GPA33: variants seen among roughly 807,000 people sequenced by gnomAD.
GPA33 encodes the protein glycoprotein A33, also known as cell surface A33 antigen.
GPA33 carries 27 observed loss-of-function variants against 35.6 expected under a neutral mutation model. That is an observed-to-expected ratio of 0.76 (90% CI 0.56 to 1.04). The LOEUF (loss-of-function observed/expected upper bound fraction) is 1.04. Among genes scored for constraint, GPA33 ranks in the 50% least tolerant of loss-of-function variants. The pLI is 0.00. For synonymous variants in GPA33, 176 were observed against 164.0 expected (o/e 1.07, Z -0.56); for missense variants, 428 against 411.9 (o/e 1.04, Z -0.34).
At chr1:167,074,080 T>C (rs1666776236) in intron 1 of GPA33, among the ~76,000 whole-genome samples, 1 of 150,578 alleles carries the variant, frequency 6.6e-6, no homozygotes, top group East Asian at 1.9e-4. Context: ...ATGGACCATA[T>C]TTTCACAGGA....
intron 4 of GPA33, among the ~76,000 whole-genome samples, chr1:167,063,373 G>A (rs963926391): frequency 3.9e-5 from 6 of 152,168 alleles, no homozygotes; most frequent in African/African-American, 9.7e-5. Context: ...CGTGCCAACT[G>A]CACTCCAGCC....
chr1:167,061,958 C>T (rs929377866), intron 4 of GPA33, among the ~76,000 whole-genome samples: 3 of 151,984 alleles, frequency 2.0e-5, no homozygotes, highest in Admixed American at 6.6e-5. Context: ...TGCATCCGTC[C>T]GGCTGGGCTT....
intron 1 of GPA33, among the ~76,000 whole-genome samples, chr1:167,082,533 G>T (rs941310871): frequency 1.2e-4 from 19 of 152,158 alleles, no homozygotes; most frequent in Admixed American, 1.0e-3. Flanking sequence ...GGAAGGTGCT[G>T]CCAGCAAGGA....
Position 167,059,254 on chromosome 1 carries a change from A to G in GPA33, c.572-3405T>C, listed in dbSNP as rs865795340. ...CTTTGATTCCGAGTTGGGGCTCCCA[A>G]GCCCCTTTTCCTTCGGAAAGGGACT... On this transcript the variant is annotated intron_variant, in intron 4 of 6. Coordinates refer to ENST00000367868, the MANE Select transcript of GPA33 (RefSeq NM_005814.3). 2.2e-4 allele frequency among the ~76,000 whole-genome samples: 33 copies of G among 152,272 alleles called. No individual in the cohort carries two copies. The Middle Eastern group carries it at 0.014, about 63-fold the overall frequency.
chr1:167,078,099 G>A (rs1341452202), intron 1 of GPA33, among the ~76,000 whole-genome samples: 1 of 152,144 alleles, frequency 6.6e-6, no homozygotes, highest in African/African-American at 2.4e-5. Context: ...GTTTTCCTTG[G>A]CTGTCAACAG....
intron 4 of GPA33, among the ~76,000 whole-genome samples, chr1:167,061,886 A>C (rs1666459342): frequency 6.6e-6 from 1 of 152,054 alleles, no homozygotes; most frequent in Admixed American, 6.5e-5. Context: ...CTTTTTTAAG[A>C]AGTCGATTTG....
intron 1 of GPA33, among the ~76,000 whole-genome samples, chr1:167,074,444 A>G (rs1183914436): frequency 6.6e-6 from 1 of 152,178 alleles, no homozygotes; most frequent in Non-Finnish European, 1.5e-5. Flanking sequence ...ACTCCCAGAC[A>G]TGGGAGTGAG....
intron 3 of GPA33, among the ~76,000 whole-genome samples, chr1:167,067,044 TTTTA>T (rs1666609853): frequency 6.6e-6 from 1 of 152,216 alleles, no homozygotes; most frequent in African/African-American, 2.4e-5. Flanking sequence ...TTATATATGT[TTTTA>T]TTTATGTTTA....
chr1:167,055,922 G>C (rs1226942572), intron 4 of GPA33, 73 bp from the exon 5 acceptor site: 2 of 1,499,348 alleles, frequency 1.3e-6, no homozygotes, highest in Non-Finnish European at 1.8e-6. Flanking sequence ...TGGGAGGTCT[G>C]GACTCCTTGG....
At chr1:167,073,603 G>A (rs755358148) in intron 1 of GPA33, 64 bp from the exon 2 acceptor site, 1 of 1,382,190 alleles carries the variant, frequency 7.2e-7, no homozygotes, top group Non-Finnish European at 1.0e-6. Flanking sequence ...CCCACTCACT[G>A]CCCACAGGAC....
rs1198843850 is a variant in GPA33, at chr1:167,053,064, C to T, written c.*1270G>A. On this transcript the variant is annotated 3_prime_UTR_variant, in exon 7 of 7. Transcript: ENST00000367868. ...GCAGCCCTAACGCTGCCTGAGCTCT[C>T]AAGAGTAGAAGAAATGCTCGACAAA... The T allele has an allele frequency of 6.6e-6, 1 of 152,078 alleles. No homozygotes were observed. The highest frequency in any genetic ancestry group is 1.5e-5 in the Non-Finnish European group (1 of 68,042). The allele number at this position is 152,078 out of a possible 1,614,324, so 9.4% of individuals were successfully genotyped here. A position where few individuals can be genotyped will look rare whatever the true frequency, so the allele number is the denominator to read the frequency against.
chr1:167,059,508 C>T (rs929325566), intron 4 of GPA33, among the ~76,000 whole-genome samples: 1 of 151,904 alleles, frequency 6.6e-6, no homozygotes, highest in African/African-American at 2.4e-5. Flanking sequence ...TGTAGCTTGT[C>T]GACAAGCCCC....
At chr1:167,055,220 G>C in intron 5 of GPA33, 109 bp from the exon 6 acceptor site, 1 of 1,050,734 alleles carries the variant, frequency 9.5e-7, no homozygotes, top group Admixed American at 2.1e-5. Flanking sequence ...TCCATGAAAG[G>C]CATGGTCTTG....
chr1:167,062,426 G>A (rs1042275216), intron 4 of GPA33, among the ~76,000 whole-genome samples: 2 of 151,554 alleles, frequency 1.3e-5, no homozygotes, highest in Admixed American at 1.3e-4. Flanking sequence ...TCACAATGTT[G>A]CCCAGACTGG....
chr1:167,068,165 G>GA (rs1008248165), intron 3 of GPA33, among the ~76,000 whole-genome samples: 1 of 151,626 alleles, frequency 6.6e-6, no homozygotes, highest in Non-Finnish European at 1.5e-5. Flanking sequence ...AAGGAAGAGG[G>GA]AAAAAAGATC....
At chr1:167,085,930 A>C (rs1667038571) in intron 1 of GPA33, among the ~76,000 whole-genome samples, 1 of 152,096 alleles carries the variant, frequency 6.6e-6, no homozygotes, top group South Asian at 2.1e-4. Flanking sequence ...CTGGATTCTG[A>C]CTCAGAAGGT....
chr1:167,056,644 G>A (rs1571301947), intron 4 of GPA33, among the ~76,000 whole-genome samples: 2 of 628 alleles, frequency 3.2e-3, no homozygotes, highest in South Asian at 0.042. Context: ...TGTGTGGTGT[G>A]TGTAGTGTGT....
At chr1:167,060,527 A>C (rs2102173944) in intron 4 of GPA33, among the ~76,000 whole-genome samples, 1 of 151,922 alleles carries the variant, frequency 6.6e-6, no homozygotes, top group Middle Eastern at 3.4e-3. Flanking sequence ...CCCCATTCTG[A>C]CTCAGCAAAT....
At chr1:167,088,540 A>G (rs759892371) in intron 1 of GPA33, among the ~76,000 whole-genome samples, 15 of 152,064 alleles carry the variant, frequency 9.9e-5, no homozygotes, top group Non-Finnish European at 2.2e-4. Context: ...GAGGTAGAAG[A>G]CACTTCATCA....
Sources: gnomAD v4.1 joint callset for allele counts (sites outside exome capture counted in the v4.1 genomes callset) on GRCh38, gnomAD v4.1.1 for gene constraint, MANE v1.5 for transcripts, NCBI Gene and HGNC (gene_info 2026-07-23, HGNC 2026-07-21) for gene names.